Variants in RNF6 observed in about 807,000 individuals in gnomAD.
The protein encoded by RNF6 is ring finger protein 6, also known as E3 ubiquitin-protein ligase RNF6.
A neutral mutation model predicts 50.1 loss-of-function variants in RNF6; 21 were observed. The observed-to-expected ratio is 0.42, with a 90% CI of 0.30 to 0.60. The LOEUF (loss-of-function observed/expected upper bound fraction) is 0.60. RNF6 is among the 20% of genes least tolerant of loss of function. The pLI, the probability that RNF6 is intolerant of heterozygous loss-of-function variation, is 0.20. For synonymous variants in RNF6, 255 were observed against 291.8 expected (o/e 0.87, Z 1.29); for missense variants, 698 against 838.2 (o/e 0.83, Z 2.07).
At chr13:26,157,996 TAGA>T (rs1041492180) in intron 5 of RNF6, among the ~76,000 whole-genome samples, 18 of 141,292 alleles carry the variant, frequency 1.3e-4, no homozygotes, top group East Asian at 2.1e-4. Context: ...GATAGATAGA[TAGA>T]AGAAGTCATT....
chr13:26,162,428 A>T (rs770088020), intron 5 of RNF6, among the ~76,000 whole-genome samples: 7 of 152,194 alleles, frequency 4.6e-5, no homozygotes, highest in Non-Finnish European at 8.8e-5. Context: ...GTGACCCTGT[A>T]TGGCATGTGC....
rs566714333 is a variant in RNF6 at position 26,170,376 on chromosome 13, C to T, written n.769-37925G>A. Among the ~76,000 whole-genome samples, 11 of 152,310 alleles carry T rather than the reference C, an allele frequency of 7.2e-5. No individual in the cohort carries two copies. In the East Asian group the frequency reaches 1.7e-3, roughly 24 times the overall value. On this transcript the variant is annotated intron_variant and non_coding_transcript_variant, in intron 5 of 5. Coordinates refer to the RNF6 transcript ENST00000468480. ...CGAAGAATTTCCCCTGACTCGTTGA[C>T]GGTCCTATAGTCCAAGATCAGTATA...
chr13:26,145,479 T>C (rs929857695), intron 5 of RNF6, among the ~76,000 whole-genome samples: 19 of 151,838 alleles, frequency 1.3e-4, no homozygotes, highest in Middle Eastern at 6.8e-3. Context: ...TTACTGTTCT[T>C]GTGATAGAGT....
rs141669685 is a variant in RNF6, at chr13:26,214,028, G to A, written c.1854C>T (p.His618=). 8.2e-5 allele frequency: 132 copies of A among 1,614,162 alleles called. No individual in the cohort carries two copies. In the African/African-American group the frequency reaches 1.5e-3, roughly 19 times the overall value. The part of the protein sequence containing the change: ...KEQIDNLSTR[H]YEHNSIDSEL... Reference sequence around the variant, plus strand: ...CACTATCAATACTGTTATGCTCATAGTGCCTGGTGGAAAGATTGTCAATCT... The same window carrying A: ...CACTATCAATACTGTTATGCTCATAATGCCTGGTGGAAAGATTGTCAATCT... The change falls in exon 5 of 5, where the codon CAC becomes CAT. Residue 618 remains histidine (H), a synonymous_variant. Coordinates refer to ENST00000381588, the MANE Select transcript of RNF6 (RefSeq NM_005977.4).
intron 5 of RNF6, among the ~76,000 whole-genome samples, chr13:26,155,038 CA>C (rs1190775707): frequency 7.0e-6 from 1 of 142,726 alleles, no homozygotes; most frequent in Non-Finnish European, 1.5e-5. Flanking sequence ...TGAAAAAAAG[CA>C]AAAAACAAAA....
chr13:26,192,244 G>T (rs981333259), intron 5 of RNF6, among the ~76,000 whole-genome samples: 2 of 152,220 alleles, frequency 1.3e-5, no homozygotes, highest in African/African-American at 4.8e-5. Context: ...AGACCAGTTA[G>T]GAGGCCACCA....
chr13:26,152,755 T>A (rs931109965), intron 5 of RNF6, among the ~76,000 whole-genome samples: 1 of 152,200 alleles, frequency 6.6e-6, no homozygotes, highest in African/African-American at 2.4e-5. Context: ...AAACTAGTTA[T>A]AATATGTTAC....
At chr13:26,180,541 T>C (rs1406810746) in intron 5 of RNF6, among the ~76,000 whole-genome samples, 1 of 152,238 alleles carries the variant, frequency 6.6e-6, no homozygotes, top group Non-Finnish European at 1.5e-5. Context: ...GATCCCATTG[T>C]ACACAGCCTG....
chr13:26,134,627 T>C (rs1253107567), intron 5 of RNF6, among the ~76,000 whole-genome samples: 1 of 152,166 alleles, frequency 6.6e-6, no homozygotes, highest in Admixed American at 6.5e-5. Flanking sequence ...CCAAGAACAC[T>C]AGCCCAGTCT....
At chr13:26,205,595 T>C (rs2137718708) in intron 5 of RNF6, among the ~76,000 whole-genome samples, 1 of 152,348 alleles carries the variant, frequency 6.6e-6, no homozygotes, top group African/African-American at 2.4e-5. Context: ...AAGAGTTTCA[T>C]GTAATATATT....
rs193247294 is a variant in RNF6, at chr13:26,154,987, A to T, written n.769-22536T>A. Among the ~76,000 whole-genome samples, 4 of 152,088 alleles carry T rather than the reference A, an allele frequency of 2.6e-5. No homozygotes were observed. The East Asian group carries it at 7.7e-4, about 29-fold the overall frequency. On this transcript the variant is annotated intron_variant and non_coding_transcript_variant, in intron 5 of 5. Coordinates refer to the RNF6 transcript ENST00000468480. ...AGAAGTTGCAGGGGGCCAAGATCAC[A>T]CCACTTCACTCCAGCCTGGGCAAAA...
chr13:26,213,041 A>G lies in RNF6; in HGVS notation c.*783T>C, dbSNP rs953116628. ...AAAAAGTTACAAAAAGGCTGAACAC[A>G]AGTTAAATAACCTATATGATGTAAA... On this transcript the variant is annotated 3_prime_UTR_variant, in exon 5 of 5. Coordinates refer to ENST00000381588, the MANE Select transcript of RNF6 (RefSeq NM_005977.4). The G allele has an allele frequency of 6.6e-6, 1 of 152,612 alleles. No homozygotes were observed. The highest frequency in any genetic ancestry group is 2.4e-5 in the African/African-American group (1 of 41,456). 9.5% of individuals were successfully genotyped at this position (152,612 alleles called of 1,614,324 possible).
At chr13:26,182,311 A>C (rs1477380381) in intron 5 of RNF6, among the ~76,000 whole-genome samples, 1 of 152,164 alleles carries the variant, frequency 6.6e-6, no homozygotes, top group Non-Finnish European at 1.5e-5. Context: ...CGATTTAAAG[A>C]ATGTCCCTTA....
chr13:26,183,054 A>G (rs1308846013), intron 5 of RNF6, among the ~76,000 whole-genome samples: 1 of 152,208 alleles, frequency 6.6e-6, no homozygotes, highest in Non-Finnish European at 1.5e-5. Flanking sequence ...TTTTTGAGCC[A>G]AGTACAGCCT....
chr13:26,137,388 ATATT>A (rs1870703653), intron 5 of RNF6, among the ~76,000 whole-genome samples: 9 of 152,268 alleles, frequency 5.9e-5, no homozygotes, highest in African/African-American at 1.7e-4. Context: ...ATTGCCCATT[ATATT>A]ACTTAAAATG....
At chr13:26,219,703 A>G in intron 2 of RNF6, 36 bp from the exon 3 acceptor site, 5 of 1,537,726 alleles carry the variant, frequency 3.3e-6, no homozygotes, top group Non-Finnish European at 3.5e-6. Flanking sequence ...CAAGGTGTTA[A>G]GTCATGGACC....
intron 2 of RNF6, among the ~76,000 whole-genome samples, chr13:26,219,934 T>C (rs187373944): frequency 1.3e-5 from 2 of 152,314 alleles, no homozygotes; most frequent in African/African-American, 4.8e-5. Flanking sequence ...CTGAATACCA[T>C]AGTGATTATC....
chr13:26,143,550 G>A (rs936553995), intron 5 of RNF6, among the ~76,000 whole-genome samples: 1 of 152,146 alleles, frequency 6.6e-6, no homozygotes, highest in Non-Finnish European at 1.5e-5. Flanking sequence ...CTCACTAGGG[G>A]TAATAGCAAG....
intron 5 of RNF6, among the ~76,000 whole-genome samples, chr13:26,138,878 T>C (rs1409486659): frequency 6.6e-6 from 1 of 152,222 alleles, no homozygotes; most frequent in Admixed American, 6.5e-5. Context: ...TTGTGCCAAA[T>C]TGTGCTTTTT....
Sources: gnomAD v4.1 joint callset for allele counts (sites outside exome capture counted in the v4.1 genomes callset) on GRCh38, gnomAD v4.1.1 for gene constraint, MANE v1.5 for transcripts, NCBI Gene and HGNC (gene_info 2026-07-23, HGNC 2026-07-21) for gene names.